RPH3AL: variants seen among roughly 807,000 people sequenced by gnomAD.
RPH3AL encodes rab effector Noc2.
RPH3AL carries 38 observed loss-of-function variants against 43.1 expected under a neutral mutation model. The observed-to-expected ratio is 0.88, with a 90% CI of 0.68 to 1.15. RPH3AL has a LOEUF of 1.15. RPH3AL is among the 50% of genes most tolerant of loss of function. The pLI, the probability that RPH3AL is intolerant of heterozygous loss-of-function variation, is 0.00. For missense variants in RPH3AL, 462 were observed against 423.2 expected, an observed-to-expected ratio of 1.09 and a Z score of -0.81; for synonymous variants, 189 against 176.3, an observed-to-expected ratio of 1.07 and a Z score of -0.57.
chr17:238,358 AGAAAC>A lies in RPH3AL; in HGVS notation c.613+8748_613+8752del, dbSNP rs1195920160. 7.2e-5 allele frequency among the ~76,000 whole-genome samples: 11 copies of A among 152,184 alleles called. No individual in the cohort carries two copies. In the East Asian group the frequency reaches 2.1e-3, roughly 29 times the overall value. On this transcript the variant is annotated intron_variant, in intron 7 of 9. Transcript: ENST00000331302. ...GAAAAAGAGAGAGAGAGAAAAGAAAAGAAACGAAACTCCAGGGCAGACCTAGGCAG... is the reference window on the plus strand; with the variant it reads ...GAAAAAGAGAGAGAGAGAAAAGAAAAGAAACTCCAGGGCAGACCTAGGCAG...
rs2040723091 is a variant in RPH3AL at position 213,661 on chromosome 17, G to A, written c.*191C>T. On this transcript the variant is annotated 3_prime_UTR_variant, in exon 10 of 10. Coordinates refer to ENST00000331302, the MANE Select transcript of RPH3AL (RefSeq NM_006987.4). ...GCAGTGGTTGGAGGGGGTGGCGGAT[G>A]CAGACAGCTCCCCAGGAGAGAAGGG... 2 of 611,850 alleles carry A rather than the reference G, an allele frequency of 3.3e-6. No homozygotes were observed. Among genetic ancestry groups the A allele is most frequent in the South Asian group, 3.8e-5 (2 of 52,486 alleles). 37.9% of individuals were successfully genotyped at this position (611,850 alleles called of 1,614,324 possible). A position where few individuals can be genotyped will look rare whatever the true frequency, so the allele number is the denominator to read the frequency against.
rs551143141 is a variant in RPH3AL at position 323,148 on chromosome 17, T to C, written c.78-1733A>G. On this transcript the variant is annotated intron_variant, in intron 3 of 9. Transcript: ENST00000331302. This position sits in a 1 kb window ranked among gnomAD's most constrained non-coding sequence, Gnocchi z 4.4. ...TGCAGGATGAACAGGTGCTTCCCCA[T>C]GGAAGGAGGGAGGCGGGTTCAGGCA... is the stretch of plus-strand genomic sequence containing the variant. Among the ~76,000 whole-genome samples, 1 of 151,844 alleles carries C rather than the reference T, an allele frequency of 6.6e-6. No individual in the cohort carries two copies. The highest frequency in any genetic ancestry group is 2.1e-4 in the South Asian group (1 of 4,794).
At chr17:257,731 C>G (rs1448069331) in intron 6 of RPH3AL, among the ~76,000 whole-genome samples, 1 of 59,882 alleles carries the variant, frequency 1.7e-5, no homozygotes, top group Non-Finnish European at 3.5e-5. Context: ...AGGGGAGCCG[C>G]ACGGTGTCTG....
At chr17:227,354 A>G (rs1177992462) in intron 7 of RPH3AL, among the ~76,000 whole-genome samples, 2 of 136,140 alleles carry the variant, frequency 1.5e-5, no homozygotes, top group African/African-American at 5.7e-5. Context: ...TTCCTTCTGG[A>G]AACGCTTTCT....
At chr17:278,006 G>T (rs1424329277) in intron 6 of RPH3AL, among the ~76,000 whole-genome samples, 1 of 151,944 alleles carries the variant, frequency 6.6e-6, no homozygotes, top group Non-Finnish European at 1.5e-5. Context: ...CCTTACAAAG[G>T]TCTCTAAGCA....
chr17:243,048 ATTGATTAC>A, intron 7 of RPH3AL, among the ~76,000 whole-genome samples: 1 of 112,992 alleles, frequency 8.9e-6, no homozygotes, highest in Non-Finnish European at 1.8e-5. Flanking sequence ...ACCATCCTCT[ATTGATTAC>A]CCTTCCTCTA....
Position 253,653 on chromosome 17 carries a change from G to C in RPH3AL, c.439-6368C>G, listed in dbSNP as rs887990175. Among the ~76,000 whole-genome samples the C allele has an allele frequency of 3.9e-5, 6 of 151,910 alleles. 1 individual carries two copies. Among genetic ancestry groups the C allele is most frequent in the Admixed American group, 1.3e-4 (2 of 15,252 alleles). On this transcript the variant is annotated intron_variant, in intron 6 of 9. Coordinates refer to ENST00000331302, the MANE Select transcript of RPH3AL (RefSeq NM_006987.4). ...TCTGCCCTGGCCCCTGGCCACCCCA[G>C]TCTGCTGTCTGTCCCTAGGAACGTT...
chr17:315,931 C>T (rs1219181133), intron 5 of RPH3AL, among the ~76,000 whole-genome samples: 14 of 134,444 alleles, frequency 1.0e-4, no homozygotes, highest in African/African-American at 2.0e-4. Flanking sequence ...TCCCTGTGCC[C>T]CCACCTCCAT....
chr17:251,677 C>T (rs1275915796), intron 6 of RPH3AL, among the ~76,000 whole-genome samples: 1 of 152,254 alleles, frequency 6.6e-6, no homozygotes, highest in East Asian at 1.9e-4. Flanking sequence ...ACCAAGGCCA[C>T]CCCATCTCTG....
intron 6 of RPH3AL, among the ~76,000 whole-genome samples, chr17:280,743 G>A (rs2151605036): frequency 6.6e-6 from 1 of 152,286 alleles, no homozygotes; most frequent in African/African-American, 2.4e-5. Flanking sequence ...AAGGACCACA[G>A]AAAGATAAAG....
At chr17:316,198 C>A (rs879920084) in intron 5 of RPH3AL, among the ~76,000 whole-genome samples, 2 of 90,372 alleles carry the variant, frequency 2.2e-5, no homozygotes, top group African/African-American at 7.3e-5. Context: ...ACCTGTAGTT[C>A]CTGTGCCCCA....
rs577367308 is a variant in RPH3AL, at chr17:289,955, C to G, written c.352-8101G>C. ...CCCTCCGCTGTGTGGCTGCAGGGCT[C>G]CTGTGACTTCCCCTGCTGGGCCGTC... On this transcript the variant is annotated intron_variant, in intron 5 of 9. Coordinates refer to ENST00000331302, the MANE Select transcript of RPH3AL (RefSeq NM_006987.4). The surrounding 1 kb of genome is among the most constrained non-coding windows in gnomAD (Gnocchi z 5.2). Among the ~76,000 whole-genome samples the G allele has an allele frequency of 6.6e-6, 1 of 152,326 alleles. No individual in the cohort carries two copies. The highest frequency in any genetic ancestry group is 2.4e-5 in the African/African-American group (1 of 41,574).
Position 286,371 on chromosome 17 carries a change from C to G in RPH3AL, c.352-4517G>C, listed in dbSNP as rs567637873. Reference sequence around the variant, plus strand: ...CCTGTTTTCCCGCTACCAACCAACGCTGGCGGCACCTGGGGTCAGTTCTCC... The same window carrying G: ...CCTGTTTTCCCGCTACCAACCAACGGTGGCGGCACCTGGGGTCAGTTCTCC... On this transcript the variant is annotated intron_variant, in intron 5 of 9. Transcript: ENST00000331302. Among the ~76,000 whole-genome samples the G allele has an allele frequency of 2.0e-5, 3 of 152,302 alleles. No individual in the cohort carries two copies. The East Asian group carries it at 5.8e-4, about 29-fold the overall frequency.
At chr17:216,478 T>A (rs990642412) in intron 8 of RPH3AL, among the ~76,000 whole-genome samples, 4 of 152,152 alleles carry the variant, frequency 2.6e-5, no homozygotes, top group Admixed American at 2.0e-4. Flanking sequence ...TGGTTTCTGG[T>A]CTTTGCCTGG....
chr17:347,086 G>A (rs563066986), intron 1 of RPH3AL, among the ~76,000 whole-genome samples: 1 of 133,954 alleles, frequency 7.5e-6, no homozygotes, highest in South Asian at 2.5e-4. Context: ...GTGAAACCCC[G>A]TCTCTACTAA....
chr17:226,895 T>TC (rs2041119593), intron 7 of RPH3AL, among the ~76,000 whole-genome samples: 1 of 152,004 alleles, frequency 6.6e-6, no homozygotes, highest in South Asian at 2.1e-4. Flanking sequence ...ACATTTTTTT[T>TC]CTCTCTAATT....
chr17:253,748 T>G (rs2041986325), intron 6 of RPH3AL, among the ~76,000 whole-genome samples: 1 of 139,186 alleles, frequency 7.2e-6, no homozygotes, highest in African/African-American at 2.6e-5. Flanking sequence ...GGAACGTGAC[T>G]ACCCTACGTA....
At chr17:350,054 A>G (rs1174907548) in intron 1 of RPH3AL, among the ~76,000 whole-genome samples, 2 of 151,594 alleles carry the variant, frequency 1.3e-5, no homozygotes, top group Non-Finnish European at 2.9e-5. Flanking sequence ...TAGGTTTGCA[A>G]TTGGACTCTA....
rs565438727 is a variant in RPH3AL, at chr17:262,449, C to T, written c.439-15164G>A. Among the ~76,000 whole-genome samples the T allele has an allele frequency of 6.0e-4, 92 of 152,256 alleles. 2 individuals are homozygous for T. The East Asian group carries it at 0.014, about 23-fold the overall frequency. On this transcript the variant is annotated intron_variant, in intron 6 of 9. Transcript: ENST00000331302. The stretch of plus-strand genomic sequence containing the variant: ...CGGGCTGGTCTTGAACTGCTGACCT[C>T]GTGATCCACCCGCCTCGGCCTCCCA...
Sources: gnomAD v4.1 joint callset for allele counts (sites outside exome capture counted in the v4.1 genomes callset) on GRCh38, gnomAD v4.1.1 for gene constraint, Gnocchi (gnomAD v3.1) non-coding constraint, MANE v1.5 for transcripts, NCBI Gene and HGNC (gene_info 2026-07-23, HGNC 2026-07-21) for gene names.